Variants in SDHAF3 observed in about 807,000 individuals in gnomAD.
SDHAF3 encodes succinate dehydrogenase complex assembly factor 3.
In SDHAF3, 18 loss-of-function variants were observed where a neutral mutation model predicts 11.5. That is an observed-to-expected ratio of 1.56 (90% CI 1.08 to 2.32). The LOEUF is 2.32. SDHAF3 is among the 30% of genes most tolerant of loss of function. SDHAF3 has a pLI of 0.00. For synonymous variants in SDHAF3, 72 were observed against 59.3 expected, an observed-to-expected ratio of 1.21 and a Z score of -0.99; for missense variants, 200 against 154.4, an observed-to-expected ratio of 1.30 and a Z score of -1.57.
chr7:97,174,798 C>T (rs1789655655), intron 1 of SDHAF3, among the ~76,000 whole-genome samples: 2 of 152,132 alleles, frequency 1.3e-5, no homozygotes, highest in African/African-American at 4.8e-5. Context: ...TCATGTTTAC[C>T]TTGATCATTT....
In SDHAF3 at chr7:97,181,712, A is replaced by G. The variant is rs1296347064; in HGVS notation, c.*497A>G. 2 of 153,640 alleles carry G rather than the reference A, an allele frequency of 1.3e-5. No individual in the cohort carries two copies. Among genetic ancestry groups the G allele is most frequent in the Non-Finnish European group, 2.9e-5 (2 of 69,042 alleles). The allele number at this position is 153,640 out of a possible 1,614,324, so 9.5% of individuals were successfully genotyped here. A position where few individuals can be genotyped will look rare whatever the true frequency, so the allele number is the denominator to read the frequency against. On this transcript the variant is annotated 3_prime_UTR_variant, in exon 2 of 2. Transcript: ENST00000432641. The stretch of plus-strand genomic sequence containing the variant: ...ATGAAAGGTTAGGAAGAAGCTTTAA[A>G]ATTCACTATTTTACTATCAATCATT...
chr7:97,173,954 T>G (rs1426136325), intron 1 of SDHAF3, among the ~76,000 whole-genome samples: 1 of 149,088 alleles, frequency 6.7e-6, no homozygotes, highest in Non-Finnish European at 1.5e-5. Flanking sequence ...AGAGTCTTGC[T>G]GTGTCACCAG....
chr7:97,144,943 G>A (rs1281092660), intron 1 of SDHAF3, among the ~76,000 whole-genome samples: 2 of 151,366 alleles, frequency 1.3e-5, no homozygotes, highest in Non-Finnish European at 2.9e-5. Flanking sequence ...ATGTGCATGG[G>A]GTGTGTTTCC....
chr7:97,144,315 C>A (rs1789104015), intron 1 of SDHAF3, among the ~76,000 whole-genome samples: 1 of 151,872 alleles, frequency 6.6e-6, no homozygotes, highest in South Asian at 2.1e-4. Context: ...CTTTTCTCTT[C>A]AGTTTAATTA....
At chr7:97,129,047 A>G (rs752577241) in intron 1 of SDHAF3, among the ~76,000 whole-genome samples, 4 of 152,196 alleles carry the variant, frequency 2.6e-5, no homozygotes, top group Non-Finnish European at 4.4e-5. Flanking sequence ...AGAAGGGCTT[A>G]TAATAAAAAG....
intron 1 of SDHAF3, among the ~76,000 whole-genome samples, 197 bp from the exon 2 acceptor site, chr7:97,180,814 AC>A (rs1432853386): frequency 6.6e-6 from 1 of 152,226 alleles, no homozygotes; most frequent in Non-Finnish European, 1.5e-5. Flanking sequence ...TGGTTAAAAC[AC>A]TTAAAGTGCT....
intron 1 of SDHAF3, among the ~76,000 whole-genome samples, chr7:97,180,783 G>C (rs1404128226): frequency 6.6e-6 from 1 of 152,040 alleles, no homozygotes; most frequent in African/African-American, 2.4e-5. Context: ...TTATATCCAG[G>C]TTAAAAATTT....
At chr7:97,164,008 C>T (rs1002389384) in intron 1 of SDHAF3, among the ~76,000 whole-genome samples, 74 of 150,558 alleles carry the variant, frequency 4.9e-4, no homozygotes, top group Admixed American at 2.6e-3. Context: ...AATGCAGTGG[C>T]GCGATCGCAG....
At chr7:97,163,098 G>T (rs2115721921) in intron 1 of SDHAF3, among the ~76,000 whole-genome samples, 1 of 150,070 alleles carries the variant, frequency 6.7e-6, no homozygotes, top group African/African-American at 2.4e-5. Flanking sequence ...AGCTCTTCTT[G>T]CTGCATTGAT....
At chr7:97,150,015 T>G (rs1789193297) in intron 1 of SDHAF3, among the ~76,000 whole-genome samples, 1 of 152,220 alleles carries the variant, frequency 6.6e-6, no homozygotes, top group Non-Finnish European at 1.5e-5. Context: ...AGGAGTAGAT[T>G]CCATTTGAAG....
In SDHAF3 at chr7:97,117,737, A is replaced by C. The variant is rs768535888; in HGVS notation, c.14A>C (p.His5Pro). 3 of 1,613,070 alleles carry C rather than the reference A, an allele frequency of 1.9e-6. No homozygotes were observed. Among genetic ancestry groups the C allele is most frequent in the Non-Finnish European group, 2.5e-6 (3 of 1,179,528 alleles). Residue 5 changes from histidine to proline, a missense_variant, in exon 1 of 2, where the codon CAC becomes CCC. Coordinates refer to ENST00000432641, the MANE Select transcript of SDHAF3 (RefSeq NM_020186.3). ...GCGTGGGGCGCTATGCCGGGGCGGCACGTTTCTCGAGTCCGGGCATTGTAC... is the reference window on the plus strand; with the variant it reads ...GCGTGGGGCGCTATGCCGGGGCGGCCCGTTTCTCGAGTCCGGGCATTGTAC... MPGR[H>P]VSRVRALYKR... is the part of the protein sequence containing the mutation.
intron 1 of SDHAF3, among the ~76,000 whole-genome samples, chr7:97,156,784 CTTT>C (rs145618825): frequency 1.3e-5 from 2 of 151,774 alleles, no homozygotes; most frequent in African/African-American, 4.8e-5. Flanking sequence ...AAAAAAATTT[CTTT>C]TTTAATGTTT....
chr7:97,134,682 G>C (rs1209371749), intron 1 of SDHAF3, among the ~76,000 whole-genome samples: 1 of 152,176 alleles, frequency 6.6e-6, no homozygotes, highest in African/African-American at 2.4e-5. Flanking sequence ...CCTGACCTCA[G>C]ATGACCCGTC....
intron 1 of SDHAF3, among the ~76,000 whole-genome samples, chr7:97,124,342 A>G (rs975921132): frequency 3.9e-5 from 6 of 151,914 alleles, no homozygotes; most frequent in South Asian, 2.1e-4. Flanking sequence ...GTTTTGTTCT[A>G]TTCATCTATA....
rs767206502 is a variant in SDHAF3 at position 97,181,012 on chromosome 7, G to A, written c.175G>A (p.Val59Met). 3.7e-6 allele frequency: 6 copies of A among 1,610,946 alleles called. 1 individual carries two copies. In the South Asian group the frequency reaches 5.5e-5, roughly 15 times the overall value. The change falls in exon 2 of 2, where the codon GTG becomes ATG. Residue 59 changes from valine to methionine, a missense_variant and splice_region_variant. Val to Met is a conservative substitution (Grantham distance 21). Coordinates refer to ENST00000432641, the MANE Select transcript of SDHAF3 (RefSeq NM_020186.3). ...EAQRFLQEWE[V>M]YATALLQQAN... is the part of the protein sequence containing the mutation. ...TAACCTTCATTCTTTATCTTTTTAGGTGTATGCAACAGCGTTATTGCAACA... is the reference window on the plus strand; with the variant it reads ...TAACCTTCATTCTTTATCTTTTTAGATGTATGCAACAGCGTTATTGCAACA...
intron 1 of SDHAF3, among the ~76,000 whole-genome samples, chr7:97,136,027 C>A (rs1791762482): frequency 6.6e-6 from 1 of 151,890 alleles, no homozygotes; most frequent in South Asian, 2.1e-4. Flanking sequence ...TTGGTAGGTT[C>A]ATGATGATTA....
chr7:97,178,304 A>T (rs1373213264), intron 1 of SDHAF3, among the ~76,000 whole-genome samples: 1 of 152,192 alleles, frequency 6.6e-6, no homozygotes, highest in Admixed American at 6.5e-5. Context: ...GCTGGTGGAC[A>T]TCTAGGTTAT....
rs181334611 is a variant in SDHAF3 at position 97,160,437 on chromosome 7, G to A, written c.175-20575G>A. Among the ~76,000 whole-genome samples the A allele has an allele frequency of 3.9e-3, 589 of 152,150 alleles. 3 individuals are homozygous for A. Among genetic ancestry groups the A allele is most frequent in the South Asian group, 0.013 (65 of 4,816 alleles). ...ACCATCGAGAACGGGCCATGACGAC[G>A]ATGGCGGTTTTGTCAAAAAGAAAAG... is the stretch of plus-strand genomic sequence containing the variant. On this transcript the variant is annotated intron_variant, in intron 1 of 1. Transcript: ENST00000432641.
chr7:97,173,000 C>G (rs1234597514), intron 1 of SDHAF3, among the ~76,000 whole-genome samples: 1 of 87,024 alleles, frequency 1.1e-5, no homozygotes, highest in Non-Finnish European at 2.6e-5. Context: ...TCATCAAGCT[C>G]AAATCATCAA....
Sources: gnomAD v4.1 joint callset for allele counts (sites outside exome capture counted in the v4.1 genomes callset) on GRCh38, gnomAD v4.1.1 for gene constraint, MANE v1.5 for transcripts, NCBI Gene and HGNC (gene_info 2026-07-23, HGNC 2026-07-21) for gene names.